KIF26B: variants seen among roughly 807,000 people sequenced by gnomAD.
The protein encoded by KIF26B is kinesin-like protein KIF26B.
Under a neutral mutation model 151.2 loss-of-function variants are expected in KIF26B, and 63 were observed. The observed-to-expected ratio is 0.42, with a 90% CI of 0.34 to 0.51. The LOEUF (loss-of-function observed/expected upper bound fraction) is 0.51. Ranked by LOEUF, KIF26B falls within the 20% of genes least tolerant of loss-of-function variation. KIF26B has a pLI of 0.07. For missense variants in KIF26B, 2,813 were observed against 2,913.6 expected, an observed-to-expected ratio of 0.97 and a Z score of 0.79; for synonymous variants, 1,357 against 1,262.1, an observed-to-expected ratio of 1.08 and a Z score of -1.59.
chr1:245,586,137 T>C (rs2043220951), intron 5 of KIF26B, among the ~76,000 whole-genome samples: 1 of 150,978 alleles, frequency 6.6e-6, no homozygotes, highest in Admixed American at 6.6e-5. Context: ...GCTGGCACTA[T>C]AGGCACACAC....
chr1:245,169,227 C>G (rs986676856), intron 2 of KIF26B, among the ~76,000 whole-genome samples: 7 of 152,106 alleles, frequency 4.6e-5, no homozygotes, highest in Non-Finnish European at 4.4e-5. Context: ...AGCAAACCCT[C>G]CATGCAAGCT....
chr1:245,222,682 A>G (rs1291262997), intron 2 of KIF26B, among the ~76,000 whole-genome samples: 2 of 152,162 alleles, frequency 1.3e-5, no homozygotes, highest in East Asian at 3.8e-4. Flanking sequence ...CCTTGAAACA[A>G]CCCAAATGTT....
rs1213502718 is a variant in KIF26B, at chr1:245,602,943, T to C, written c.1557+160T>C. Reference sequence around the variant, plus strand: ...AGCTCCACCGAATGGTCCAGTGCTTTTGAATTACTGGTGTCAGACCTTGGG... The same window carrying C: ...AGCTCCACCGAATGGTCCAGTGCTTCTGAATTACTGGTGTCAGACCTTGGG... On this transcript the variant is annotated intron_variant, in intron 6 of 14. Coordinates refer to ENST00000407071, the MANE Select transcript of KIF26B (RefSeq NM_018012.4). The surrounding 1 kb of genome is among the most constrained non-coding windows in gnomAD (Gnocchi z 4.5). 2.0e-5 allele frequency among the ~76,000 whole-genome samples: 3 copies of C among 152,252 alleles called. No individual in the cohort carries two copies. Among genetic ancestry groups the C allele is most frequent in the Admixed American group, 2.0e-4 (3 of 15,294 alleles).
intron 4 of KIF26B, among the ~76,000 whole-genome samples, chr1:245,528,299 G>A (rs531932390): frequency 9.2e-5 from 14 of 152,302 alleles, no homozygotes; most frequent in African/African-American, 3.1e-4. Context: ...GGGTATAGGC[G>A]TGGCCAGGTC....
intron 5 of KIF26B, among the ~76,000 whole-genome samples, chr1:245,542,647 C>G (rs1382696871): frequency 6.6e-6 from 1 of 152,222 alleles, no homozygotes; most frequent in African/African-American, 2.4e-5. Context: ...CAGGGGCACA[C>G]GGGTGTGATC....
rs1035855929 is a variant in KIF26B at position 245,213,975 on chromosome 1, G to A, written c.465+57292G>A. Among the ~76,000 whole-genome samples, 4 of 152,288 alleles carry A rather than the reference G, an allele frequency of 2.6e-5. 1 individual carries two copies. The highest frequency in any genetic ancestry group is 4.1e-4 in the South Asian group (2 of 4,824). ...ATTGTTTCTTCAAAAGGGACCAGCC[G>A]CTGAGATTTTGTTAGCAGGGAAATC... On this transcript the variant is annotated intron_variant, in intron 2 of 14. Coordinates refer to ENST00000407071, the MANE Select transcript of KIF26B (RefSeq NM_018012.4).
chr1:245,403,603 G>C lies in KIF26B; in HGVS notation c.1000-15976G>C, dbSNP rs1315804284. 4.2e-5 allele frequency among the ~76,000 whole-genome samples: 6 copies of C among 142,700 alleles called. No individual in the cohort carries two copies. The South Asian group carries it at 1.4e-3, about 33-fold the overall frequency. 93.6% of individuals were successfully genotyped at this position (142,700 alleles called of 152,430 possible). On this transcript the variant is annotated intron_variant, in intron 3 of 14. Transcript: ENST00000407071. ...GCATGCGTGTGTGTGCATGGGGGGT[G>C]TGTGTCTGCATGCCTGTGTGTGTCC...
At chr1:245,473,093 A>C (rs1659949564) in intron 4 of KIF26B, among the ~76,000 whole-genome samples, 1 of 152,106 alleles carries the variant, frequency 6.6e-6, no homozygotes. Flanking sequence ...ACAATAAGAG[A>C]ACACTGGCAA....
intron 4 of KIF26B, among the ~76,000 whole-genome samples, chr1:245,477,283 T>G (rs1018086398): frequency 1.3e-5 from 2 of 151,690 alleles, no homozygotes; most frequent in African/African-American, 4.8e-5. Context: ...GAAAATTCAT[T>G]TGTTTGTGCA....
chr1:245,301,987 C>T (rs975014269), intron 2 of KIF26B, among the ~76,000 whole-genome samples: 1 of 152,136 alleles, frequency 6.6e-6, no homozygotes, highest in African/African-American at 2.4e-5. Context: ...TTGTTTCAGT[C>T]CTTCTAACCC....
At chr1:245,428,071 C>T (rs1228963867) in intron 4 of KIF26B, among the ~76,000 whole-genome samples, 4 of 152,190 alleles carry the variant, frequency 2.6e-5, no homozygotes, top group Non-Finnish European at 5.9e-5. Context: ...CCTGGCCGGC[C>T]CTGCCTCCTT....
At chr1:245,398,460 TG>T (rs1358584782) in intron 3 of KIF26B, among the ~76,000 whole-genome samples, 1 of 152,122 alleles carries the variant, frequency 6.6e-6, no homozygotes, top group African/African-American at 2.4e-5. Flanking sequence ...CCTGTATGTC[TG>T]TCCACAGAAA....
At chr1:245,346,886 C>T (rs1672467150) in intron 2 of KIF26B, among the ~76,000 whole-genome samples, 1 of 152,150 alleles carries the variant, frequency 6.6e-6, no homozygotes, top group South Asian at 2.1e-4. Context: ...TTCTCACCTA[C>T]CTCATGTCTT....
intron 10 of KIF26B, among the ~76,000 whole-genome samples, chr1:245,683,918 CTT>C (rs1351002585): frequency 1.3e-5 from 2 of 152,194 alleles, no homozygotes; most frequent in South Asian, 2.1e-4. Flanking sequence ...ATCCCCTCCT[CTT>C]GTTTCTATTC....
intron 11 of KIF26B, 129 bp from the exon 12 acceptor site, chr1:245,685,276 G>T (rs573861809): frequency 3.0e-5 from 22 of 736,148 alleles, no homozygotes; most frequent in African/African-American, 3.5e-5. Flanking sequence ...GCCCACGTGC[G>T]GGAGGCCAAC....
intron 4 of KIF26B, among the ~76,000 whole-genome samples, chr1:245,503,964 G>A (rs1337121008): frequency 6.6e-6 from 1 of 152,212 alleles, no homozygotes; most frequent in Non-Finnish European, 1.5e-5. Context: ...TGAGTGTTCT[G>A]ATGCAGCCAG....
At position 245,609,430 on chromosome 1, in the gene KIF26B, AACCTGCGGG is replaced by A. The variant is rs2043494482; in HGVS notation, c.1823_1831del (p.Arg608_Leu610del). 1 of 1,608,052 alleles carries A rather than the reference AACCTGCGGG, an allele frequency of 6.2e-7. No individual in the cohort carries two copies. The highest frequency in any genetic ancestry group is 1.7e-5 in the Admixed American group (1 of 59,148). ...CGTGGAAGTGTGGGGGAAGGAGGAG[AACCTGCGGG>A]ACCTGCTGTCGGAGGTGGCCACGGG... On this transcript the variant is annotated inframe_deletion, in exon 8 of 15. Coordinates refer to ENST00000407071, the MANE Select transcript of KIF26B (RefSeq NM_018012.4).
intron 4 of KIF26B, among the ~76,000 whole-genome samples, chr1:245,462,113 A>T (rs1659660950): frequency 6.6e-6 from 1 of 152,034 alleles, no homozygotes; most frequent in Non-Finnish European, 1.5e-5. Context: ...ATGGAGAGAG[A>T]CCCTGTCTCA....
At chr1:245,457,659 G>A (rs1659565361) in intron 4 of KIF26B, among the ~76,000 whole-genome samples, 1 of 152,134 alleles carries the variant, frequency 6.6e-6, no homozygotes. Context: ...GTGCTTTCAT[G>A]CTTTGATGAC....
Sources: gnomAD v4.1 joint callset for allele counts (sites outside exome capture counted in the v4.1 genomes callset) on GRCh38, gnomAD v4.1.1 for gene constraint, Gnocchi (gnomAD v3.1) non-coding constraint, MANE v1.5 for transcripts, NCBI Gene and HGNC (gene_info 2026-07-23, HGNC 2026-07-21) for gene names.